MMS22L: variants seen among roughly 807,000 people sequenced by gnomAD.
The protein encoded by MMS22L is MMS22 like, DNA repair protein.
Under a neutral mutation model 159.1 loss-of-function variants are expected in MMS22L, and 74 were observed. The ratio of observed to expected loss-of-function variants is 0.47; its 90% CI spans 0.39 to 0.56. The LOEUF (loss-of-function observed/expected upper bound fraction) is 0.56, where lower values mean the gene tolerates loss of function less well. Among genes scored for constraint, MMS22L ranks in the 20% least tolerant of loss-of-function variants. The probability of loss-of-function intolerance (pLI) is 0.00; values close to 1 mark genes in which losing one functional copy is unlikely to be tolerated. For synonymous variants in MMS22L, 517 were observed against 506.9 expected (o/e 1.02, Z -0.27); for missense variants, 1,351 against 1,422.1 (o/e 0.95, Z 0.80).
intron 8 of MMS22L, 135 bp from the exon 9 acceptor site, chr6:97,263,583 GAAA>G (rs1814734286): frequency 2.3e-6 from 1 of 431,616 alleles, no homozygotes; most frequent in African/African-American, 2.1e-5. Flanking sequence ...ATTATTTATT[GAAA>G]ATGTGCAATT....
At chr6:97,231,032 CAA>C (rs1236837662) in intron 13 of MMS22L, 1 of 167,306 alleles carries the variant, frequency 6.0e-6, no homozygotes, top group Non-Finnish European at 1.3e-5. Context: ...GCAAAACTCT[CAA>C]AAGAGACAGA....
intron 7 of MMS22L, among the ~76,000 whole-genome samples, chr6:97,268,215 GTC>G (rs1432160857): frequency 6.7e-6 from 1 of 148,300 alleles, no homozygotes; most frequent in Non-Finnish European, 1.5e-5. Context: ...TTGAGGCGAG[GTC>G]TCTGTCACCC....
intron 14 of MMS22L, among the ~76,000 whole-genome samples, chr6:97,221,473 C>A (rs956443031): frequency 6.6e-6 from 1 of 151,862 alleles, no homozygotes; most frequent in Non-Finnish European, 1.5e-5. Flanking sequence ...AATAGAAATA[C>A]ATTATGCCAA....
At chr6:97,203,824 C>T (rs1807452841) in intron 14 of MMS22L, among the ~76,000 whole-genome samples, 2 of 152,176 alleles carry the variant, frequency 1.3e-5, no homozygotes, top group Admixed American at 1.3e-4. Flanking sequence ...CTTTACAAAG[C>T]AGCTGTTTCT....
chr6:97,179,184 C>G (rs946089452), intron 17 of MMS22L, among the ~76,000 whole-genome samples: 1 of 151,986 alleles, frequency 6.6e-6, no homozygotes, highest in African/African-American at 2.4e-5. Context: ...GTTCTTTTAT[C>G]TTTTATAGCA....
intron 23 of MMS22L, 155 bp downstream of exon 23, chr6:97,151,616 C>T: frequency 1.7e-6 from 1 of 601,898 alleles, no homozygotes; most frequent in Admixed American, 2.9e-5. Context: ...TAAAACATCA[C>T]AGTGTAACAA....
intron 14 of MMS22L, among the ~76,000 whole-genome samples, chr6:97,225,065 A>G (rs1810078477): frequency 6.6e-6 from 1 of 152,192 alleles, no homozygotes; most frequent in South Asian, 2.1e-4. Context: ...ACCTATAAAT[A>G]GGGATGGCAG....
intron 11 of MMS22L, among the ~76,000 whole-genome samples, chr6:97,243,490 T>C (rs1812301536): frequency 6.6e-6 from 1 of 152,174 alleles, no homozygotes; most frequent in South Asian, 2.1e-4. Flanking sequence ...ATATCTGTTA[T>C]TATTTTTTAA....
At chr6:97,180,016 A>T (rs1245736027) in intron 16 of MMS22L, among the ~76,000 whole-genome samples, 1 of 152,204 alleles carries the variant, frequency 6.6e-6, no homozygotes, top group Admixed American at 6.5e-5. Context: ...ACTAAAAATT[A>T]CCTCACAAAG....
chr6:97,191,260 C>T (rs1216263209), intron 14 of MMS22L, among the ~76,000 whole-genome samples: 2 of 152,152 alleles, frequency 1.3e-5, no homozygotes, highest in Non-Finnish European at 2.9e-5. Context: ...AGTTTCTGCT[C>T]CTCCCTAGTA....
chr6:97,156,106 T>C (rs1801814013), intron 22 of MMS22L, among the ~76,000 whole-genome samples: 1 of 152,194 alleles, frequency 6.6e-6, no homozygotes, highest in African/African-American at 2.4e-5. Context: ...TTTTCGTAAG[T>C]TTTTTGGCTG....
chr6:97,263,290 A>G, intron 9 of MMS22L, 45 bp downstream of exon 9: 1 of 1,159,240 alleles, frequency 8.6e-7, no homozygotes, highest in Non-Finnish European at 1.2e-6. Context: ...TTAAATCAAT[A>G]TAAAGGTTAG....
chr6:97,219,545 T>C (rs1022668371), intron 14 of MMS22L, among the ~76,000 whole-genome samples: 10 of 152,200 alleles, frequency 6.6e-5, no homozygotes, highest in African/African-American at 2.4e-4. Flanking sequence ...GCTACCCTAC[T>C]GGACAGCAGA....
Position 97,281,338 on chromosome 6 carries a change from T to TA in MMS22L, c.188dup (p.Leu63PhefsTer4). The TA allele has an allele frequency of 6.2e-7, 1 of 1,605,830 alleles. No homozygotes were observed. The highest frequency in any genetic ancestry group is 1.7e-5 in the Admixed American group (1 of 58,838). ...AGGTATCTTCTTCAAAATTAGTTGG[T>TA]AAAGGGTCAAGATTCAAAATCAATC... is the stretch of plus-strand genomic sequence containing the variant. On this transcript the variant is annotated frameshift_variant, in exon 3 of 25. Transcript: ENST00000683635. LOFTEE classifies it high-confidence loss of function.
rs114825569 is a variant in MMS22L at position 97,273,303 on chromosome 6, A to G, written c.341-241T>C. On this transcript the variant is annotated intron_variant, in intron 4 of 24. Transcript: ENST00000683635. ...CCCTCAAGTAACTTGCTCCCACAGT[A>G]GCACTAGCTACACCTGGCTTCATGG... 6.5e-3 allele frequency among the ~76,000 whole-genome samples: 994 copies of G among 152,298 alleles called. 8 individuals are homozygous for G. The highest frequency in any genetic ancestry group is 0.023 in the African/African-American group (949 of 41,552).
chr6:97,186,411 AAG>A (rs1478912217), intron 15 of MMS22L, 84 bp downstream of exon 15: 59 of 1,118,810 alleles, frequency 5.3e-5, no homozygotes, highest in Non-Finnish European at 7.2e-5. Context: ...TTTGCTATAC[AAG>A]AGTTTGTTAC....
chr6:97,214,422 C>T (rs549648580), intron 14 of MMS22L, among the ~76,000 whole-genome samples: 1 of 152,208 alleles, frequency 6.6e-6, no homozygotes, highest in Admixed American at 6.5e-5. Context: ...AAGAAGCCAG[C>T]CCACTAAACA....
intron 10 of MMS22L, among the ~76,000 whole-genome samples, chr6:97,247,719 G>GGA (rs1216531290): frequency 6.6e-6 from 1 of 150,642 alleles, no homozygotes; most frequent in Non-Finnish European, 1.5e-5. Flanking sequence ...CTTCGTCTCA[G>GGA]AAAAAAAAAA....
At chr6:97,194,464 A>G (rs1276166476) in intron 14 of MMS22L, among the ~76,000 whole-genome samples, 1 of 152,148 alleles carries the variant, frequency 6.6e-6, no homozygotes, top group Non-Finnish European at 1.5e-5. Flanking sequence ...TAATAATAGT[A>G]CCTACAGAAT....
Sources: allele counts gnomAD v4.1 joint callset (sites outside exome capture counted in the v4.1 genomes callset), GRCh38; gene constraint gnomAD v4.1.1; transcripts MANE v1.5; gene names NCBI Gene and HGNC (gene_info 2026-07-23, HGNC 2026-07-21).